BFSP1: variants seen among roughly 807,000 people sequenced by gnomAD.
BFSP1 encodes the protein filensin.
In BFSP1, 38 loss-of-function variants were observed where a neutral mutation model predicts 43.9. That is an observed-to-expected ratio of 0.87 (90% CI 0.67 to 1.14). BFSP1 has a LOEUF of 1.14. BFSP1 is among the 50% of genes most tolerant of loss of function. The pLI is 0.00. For missense variants in BFSP1, 850 were observed against 875.1 expected (o/e 0.97, Z 0.36); for synonymous variants, 352 against 354.8 (o/e 0.99, Z 0.09).
intron 1 of BFSP1, among the ~76,000 whole-genome samples, chr20:17,552,982 C>A (rs2034919771): frequency 6.6e-6 from 1 of 152,046 alleles, no homozygotes; most frequent in African/African-American, 2.4e-5. Flanking sequence ...AGTCATGAAA[C>A]TGAATCAGAA....
At chr20:17,526,626 C>A (rs2034431059) in intron 1 of BFSP1, among the ~76,000 whole-genome samples, 1 of 152,144 alleles carries the variant, frequency 6.6e-6, no homozygotes, top group East Asian at 1.9e-4. Context: ...CTGTTATGAA[C>A]ACGTATATGC....
chr20:17,553,755 G>C (rs1187382400), intron 1 of BFSP1, among the ~76,000 whole-genome samples: 6 of 141,726 alleles, frequency 4.2e-5, no homozygotes, highest in African/African-American at 1.6e-4. Context: ...TCTTTGAAAA[G>C]ACCTGTTAAA....
At chr20:17,530,516 A>G (rs1333216438) in intron 1 of BFSP1, among the ~76,000 whole-genome samples, 1 of 152,240 alleles carries the variant, frequency 6.6e-6, no homozygotes, top group Admixed American at 6.5e-5. Context: ...GGCAAAGTCA[A>G]TCTATGGTGA....
rs33974639 is a variant in BFSP1, at chr20:17,553,872, C to CATAT, written c.2+4812_2+4815dup. Among the ~76,000 whole-genome samples the CATAT allele has an allele frequency of 3.1e-3, 194 of 62,988 alleles. 5 individuals are homozygous for CATAT. The highest frequency in any genetic ancestry group is 0.011 in the African/African-American group (163 of 15,044). The allele number at this position is 62,988 out of a possible 152,430, so 41.3% of individuals were successfully genotyped here. A position where few individuals can be genotyped will look rare whatever the true frequency, so the allele number is the denominator to read the frequency against. ...ATACATATATATACACATATATATACATATATATATATACACACATATATA... is the reference window on the plus strand; with the variant it reads ...ATACATATATATACACATATATATACATATATATATATATATACACACATATATA... On this transcript the variant is annotated intron_variant, in intron 1 of 7. Transcript: ENST00000377868.
chr20:17,498,794 C>T, intron 6 of BFSP1, 26 bp downstream of exon 6: 1 of 1,605,936 alleles, frequency 6.2e-7, no homozygotes, highest in Non-Finnish European at 8.5e-7. Flanking sequence ...GAATAAGTGG[C>T]CTGGATGGGG....
Position 17,498,994 on chromosome 20 carries a change from T to C in BFSP1, c.782A>G (p.Asp261Gly), listed in dbSNP as rs2033726725. The change falls in exon 6 of 8, where the codon GAC becomes GGC. Residue 261 changes from aspartate (D) to glycine (G), a missense_variant. By Grantham distance (94) the Asp-to-Gly change is moderately conservative (BLOSUM62 -1). Transcript: ENST00000377873. ...CTCGTTATAAAGCTGAATCTCATCG[T>C]CATAACACTCATGGGCACTTTTAAT... Reference protein sequence around the residue: ...QAIKSAHECYDDEIQLYNEQI... With the variant: ...QAIKSAHECYGDEIQLYNEQI... 1.2e-6 allele frequency: 2 copies of C among 1,614,078 alleles called. No homozygotes were observed. The highest frequency in any genetic ancestry group is 1.3e-5 in the African/African-American group (1 of 74,924).
intron 5 of BFSP1, among the ~76,000 whole-genome samples, chr20:17,504,334 C>A (rs867264844): frequency 3.3e-5 from 5 of 152,230 alleles, no homozygotes; most frequent in Middle Eastern, 3.4e-3. Flanking sequence ...AACCTTTCAT[C>A]AGAAGGAAGA....
chr20:17,558,744 C>T, exon 1 of BFSP1: 9 of 1,550,592 alleles, frequency 5.8e-6, no homozygotes. Context: ...ATTCAGCTCA[C>T]ATCCAAGGTG....
intron 6 of BFSP1, 71 bp from the exon 7 acceptor site, chr20:17,497,094 G>C: frequency 3.2e-6 from 4 of 1,252,382 alleles, no homozygotes; most frequent in Non-Finnish European, 4.3e-6. Flanking sequence ...TTAATGTTGA[G>C]CAAAAATGAA....
upstream of BFSP1, among the ~76,000 whole-genome samples, chr20:17,559,828 C>T (rs2035050927): frequency 6.6e-6 from 1 of 152,096 alleles, no homozygotes; most frequent in African/African-American, 2.4e-5. Context: ...CCCCCTGCCA[C>T]CCCGTCTGTG....
chr20:17,558,678 G>C, intron 1 of BFSP1: 1 of 1,551,674 alleles, frequency 6.4e-7, no homozygotes, highest in Non-Finnish European at 8.7e-7. Context: ...CCGTTTATCA[G>C]AACACTTACA....
intron 1 of BFSP1, among the ~76,000 whole-genome samples, chr20:17,555,842 A>G (rs965880109): frequency 3.9e-5 from 6 of 152,226 alleles, no homozygotes; most frequent in Admixed American, 3.9e-4. Flanking sequence ...TCAAATTCAT[A>G]TGAAAGAGAA....
rs1330227733 is a variant in BFSP1, at chr20:17,496,904, A to G, written c.1042+34T>C. The G allele has an allele frequency of 6.7e-6, 10 of 1,481,898 alleles. No homozygotes were observed. In the South Asian group the frequency reaches 9.2e-5, roughly 14 times the overall value. The allele number at this position is 1,481,898 out of a possible 1,614,324, so 91.8% of individuals were successfully genotyped here. A position where few individuals can be genotyped will look rare whatever the true frequency, so the allele number is the denominator to read the frequency against. On this transcript the variant is annotated intron_variant, in intron 7 of 7. Coordinates refer to ENST00000377873, the MANE Select transcript of BFSP1 (RefSeq NM_001195.5). ...AGCCGCTTGGTTTTTTTCAAGACAG[A>G]AAAAAACAGAAGTCCAGTGTTGGGG...
At chr20:17,496,297 C>T (rs1237367659) in intron 7 of BFSP1, among the ~76,000 whole-genome samples, 1 of 152,242 alleles carries the variant, frequency 6.6e-6, no homozygotes, top group Non-Finnish European at 1.5e-5. Context: ...GCCCTATATG[C>T]ATGAGCATCC....
At chr20:17,563,500 C>G (rs2035087106), upstream of BFSP1, among the ~76,000 whole-genome samples, 2 of 151,570 alleles carry the variant, frequency 1.3e-5, no homozygotes, top group African/African-American at 4.9e-5. Flanking sequence ...AGGCACATGC[C>G]CAGCTAATTT....
At chr20:17,526,130 T>TA (rs1568700699) in intron 1 of BFSP1, among the ~76,000 whole-genome samples, 1 of 49,154 alleles carries the variant, frequency 2.0e-5, no homozygotes. Context: ...TTTCTGTTTT[T>TA]TTCTGTATGG....
chr20:17,535,135 ATAG>A (rs750114889), upstream of BFSP1, among the ~76,000 whole-genome samples: 12 of 152,214 alleles, frequency 7.9e-5, no homozygotes, highest in Non-Finnish European at 1.8e-4. Flanking sequence ...TAGAATATAA[ATAG>A]TAGATTAGAA....
chr20:17,505,234 G>C (rs73253999), intron 5 of BFSP1, among the ~76,000 whole-genome samples: 11,563 of 152,246 alleles, frequency 0.076, 459 homozygotes, highest in Middle Eastern at 0.14. Context: ...CCAAGCCCAG[G>C]CACTATTCTC....
At chr20:17,546,027 T>C (rs1470674127) in intron 1 of BFSP1, among the ~76,000 whole-genome samples, 1 of 152,238 alleles carries the variant, frequency 6.6e-6, no homozygotes, top group East Asian at 1.9e-4. Context: ...AATTCTTTCC[T>C]GTGCGAGATC....
Sources: allele counts gnomAD v4.1 joint callset (sites outside exome capture counted in the v4.1 genomes callset), GRCh38; gene constraint gnomAD v4.1.1; transcripts MANE v1.5; gene names NCBI Gene and HGNC (gene_info 2026-07-23, HGNC 2026-07-21).